Variants in SH3RF3 observed in about 807,000 individuals in gnomAD.
SH3RF3 encodes E3 ubiquitin-protein ligase SH3RF3.
SH3RF3 carries 29 observed loss-of-function variants against 66.3 expected under a neutral mutation model. The ratio of observed to expected loss-of-function variants is 0.44; its 90% CI spans 0.33 to 0.60. The LOEUF (loss-of-function observed/expected upper bound fraction) is 0.60, where lower values mean the gene tolerates loss of function less well. Among genes scored for constraint, SH3RF3 ranks in the 20% least tolerant of loss-of-function variants. SH3RF3 has a pLI of 0.04. For missense variants in SH3RF3, 1,194 were observed against 1,190.9 expected (o/e 1.00, Z -0.04); for synonymous variants, 583 against 532.0 (o/e 1.10, Z -1.32).
chr2:109,449,576 C>T (rs1054773511), intron 8 of SH3RF3, 87 bp downstream of exon 8: 2 of 1,477,860 alleles, frequency 1.4e-6, no homozygotes, highest in African/African-American at 1.4e-5. Flanking sequence ...GGCATTTGTG[C>T]AATTGAAGCT....
chr2:109,190,942 A>G (rs1400071396), intron 1 of SH3RF3, among the ~76,000 whole-genome samples: 1 of 151,580 alleles, frequency 6.6e-6, no homozygotes, highest in Non-Finnish European at 1.5e-5. Context: ...CAATATTTTT[A>G]TGGGGGAGAT....
chr2:109,416,250 G>T (rs1461887750), intron 4 of SH3RF3, among the ~76,000 whole-genome samples: 1 of 152,124 alleles, frequency 6.6e-6, no homozygotes, highest in African/African-American at 2.4e-5. Context: ...TTGGGTACCT[G>T]TGTAAGGGGC....
chr2:109,314,642 A>G (rs1681827513), intron 1 of SH3RF3, among the ~76,000 whole-genome samples: 1 of 152,258 alleles, frequency 6.6e-6, no homozygotes, highest in African/African-American at 2.4e-5. Flanking sequence ...AGGTTTGTAT[A>G]AACTTGTAAA....
At chr2:109,496,681 A>C (rs36135065) in intron 9 of SH3RF3, among the ~76,000 whole-genome samples, 80,873 of 151,960 alleles carry the variant, frequency 0.53, 21,968 homozygotes, top group East Asian at 0.69. Context: ...GCGTTCCTTG[A>C]TCTGATCCAT....
At chr2:109,396,235 C>CT (rs1239012281) in intron 3 of SH3RF3, among the ~76,000 whole-genome samples, 1 of 152,154 alleles carries the variant, frequency 6.6e-6, no homozygotes, top group Non-Finnish European at 1.5e-5. Flanking sequence ...GGTTTGTTCT[C>CT]TGAGTAGCAC....
At chr2:109,439,975 A>C (rs766841615) in intron 7 of SH3RF3, among the ~76,000 whole-genome samples, 7 of 152,166 alleles carry the variant, frequency 4.6e-5, no homozygotes, top group Non-Finnish European at 1.0e-4. Flanking sequence ...GGGCATATGG[A>C]AAGTTTTCAA....
chr2:109,348,052 G>T, intron 2 of SH3RF3, 103 bp downstream of exon 2: 1 of 1,433,432 alleles, frequency 7.0e-7, no homozygotes, highest in Non-Finnish European at 9.3e-7. Context: ...TTTCTTCAGA[G>T]TCTGAATCCT....
At chr2:109,266,608 A>G (rs1359174578) in intron 1 of SH3RF3, among the ~76,000 whole-genome samples, 1 of 151,704 alleles carries the variant, frequency 6.6e-6, no homozygotes, top group Admixed American at 6.6e-5. Context: ...CTTGGAGTGC[A>G]GAGCAGGGCT....
chr2:109,386,447 T>G (rs1675826613), intron 3 of SH3RF3, among the ~76,000 whole-genome samples: 1 of 151,906 alleles, frequency 6.6e-6, no homozygotes, highest in African/African-American at 2.4e-5. Context: ...TGTGGCTGCT[T>G]GTGTGGCAAG....
intron 1 of SH3RF3, among the ~76,000 whole-genome samples, chr2:109,215,968 C>A (rs548482645): frequency 1.3e-5 from 2 of 152,340 alleles, no homozygotes; most frequent in African/African-American, 4.8e-5. Flanking sequence ...TGCCCATGTC[C>A]CATGGCTTGT....
At chr2:109,406,775 A>G (rs962285336) in intron 4 of SH3RF3, among the ~76,000 whole-genome samples, 6 of 152,078 alleles carry the variant, frequency 3.9e-5, no homozygotes, top group East Asian at 3.9e-4. Flanking sequence ...CTCCAGGACC[A>G]TAGCAGGGGC....
At chr2:109,490,198 T>C (rs1238421660) in intron 8 of SH3RF3, among the ~76,000 whole-genome samples, 1 of 152,214 alleles carries the variant, frequency 6.6e-6, no homozygotes, top group Non-Finnish European at 1.5e-5. Flanking sequence ...AAGATGTCCA[T>C]GTAGGCACCA....
chr2:109,284,175 G>A (rs1559000874), intron 1 of SH3RF3, among the ~76,000 whole-genome samples: 1 of 152,208 alleles, frequency 6.6e-6, no homozygotes, highest in Non-Finnish European at 1.5e-5. Context: ...CCCAGGGGAA[G>A]GGGGTTGGGG....
intron 1 of SH3RF3, among the ~76,000 whole-genome samples, chr2:109,200,737 C>T (rs562848790): frequency 1.5e-3 from 234 of 152,312 alleles, no homozygotes; most frequent in African/African-American, 4.9e-3. Context: ...CTTGCTGCCC[C>T]TCCTCACCCC....
intron 9 of SH3RF3, among the ~76,000 whole-genome samples, chr2:109,498,182 G>C (rs571341180): frequency 5.8e-4 from 88 of 152,330 alleles, no homozygotes; most frequent in African/African-American, 2.0e-3. Flanking sequence ...CCTGAGAGCA[G>C]AGTCTGGTTC....
At chr2:109,201,013 A>C (rs890674202) in intron 1 of SH3RF3, among the ~76,000 whole-genome samples, 9 of 152,154 alleles carry the variant, frequency 5.9e-5, no homozygotes, top group Non-Finnish European at 8.8e-5. Flanking sequence ...GCAGCAGCTA[A>C]GTGGCTGTGG....
chr2:109,500,198 C>T (rs116516119), intron 9 of SH3RF3, among the ~76,000 whole-genome samples: 3,676 of 152,164 alleles, frequency 0.024, 139 homozygotes, highest in African/African-American at 0.082. Flanking sequence ...CTGTTAGAAG[C>T]TATGTTAGTG....
At chr2:109,360,853 T>A (rs1683038465) in intron 2 of SH3RF3, among the ~76,000 whole-genome samples, 1 of 152,224 alleles carries the variant, frequency 6.6e-6, no homozygotes, top group African/African-American at 2.4e-5. Flanking sequence ...TTTAGTATGA[T>A]GTTAAAAAGC....
intron 1 of SH3RF3, among the ~76,000 whole-genome samples, chr2:109,281,491 C>T (rs1444678164): frequency 6.6e-6 from 1 of 152,218 alleles, no homozygotes; most frequent in Admixed American, 6.5e-5. Context: ...CTGGTTCTGA[C>T]TCTGTGGGTG....
Sources: allele counts gnomAD v4.1 joint callset (sites outside exome capture counted in the v4.1 genomes callset), GRCh38; gene constraint gnomAD v4.1.1; transcripts MANE v1.5; gene names NCBI Gene and HGNC (gene_info 2026-07-23, HGNC 2026-07-21).